Variants in KAZN observed in about 807,000 individuals in gnomAD.
KAZN encodes kazrin.
Under a neutral mutation model 87.4 loss-of-function variants are expected in KAZN, and 40 were observed. That is an observed-to-expected ratio of 0.46 (90% CI 0.36 to 0.60). The LOEUF (loss-of-function observed/expected upper bound fraction) is 0.60. Ranked by LOEUF, KAZN falls within the 20% of genes least tolerant of loss-of-function variation. The probability of loss-of-function intolerance (pLI) is 0.00; values close to 1 mark genes in which losing one functional copy is unlikely to be tolerated. For synonymous variants in KAZN, 466 were observed against 458.3 expected (o/e 1.02, Z -0.22); for missense variants, 898 against 1,073.9 (o/e 0.84, Z 2.29).
In KAZN at chr1:14,777,400, T is replaced by G. The variant is rs1367402188; in HGVS notation, c.226+178177T>G. 2.6e-5 allele frequency among the ~76,000 whole-genome samples: 4 copies of G among 152,308 alleles called. No individual in the cohort carries two copies. The East Asian group carries it at 7.7e-4, about 29-fold the overall frequency. ...TGAGAGTACTAATAAGAGGTCTAGC[T>G]GACCCCAGTGCCCTTGCGTATAAGC... is the stretch of plus-strand genomic sequence containing the variant. On this transcript the variant is annotated intron_variant, in intron 1 of 14. Transcript: ENST00000376030.
chr1:14,241,074 C>T (rs866378942), intron 2 of KAZN, among the ~76,000 whole-genome samples: 6 of 152,256 alleles, frequency 3.9e-5, no homozygotes, highest in East Asian at 1.9e-4. Context: ...CTGAATGCCA[C>T]GTGCTTAGCT....
At chr1:14,423,772 G>A (rs577686672) in intron 2 of KAZN, among the ~76,000 whole-genome samples, 4 of 152,256 alleles carry the variant, frequency 2.6e-5, no homozygotes, top group East Asian at 1.9e-4. Flanking sequence ...CCAGTGACCC[G>A]GGCCTGGACA....
intron 1 of KAZN, among the ~76,000 whole-genome samples, chr1:14,643,927 G>A (rs1457706103): frequency 6.7e-6 from 1 of 149,710 alleles, no homozygotes; most frequent in Non-Finnish European, 1.5e-5. Flanking sequence ...CAGTGATATT[G>A]AGCTTTTTTT....
intron 2 of KAZN, among the ~76,000 whole-genome samples, chr1:14,426,750 C>T (rs1030647415): frequency 6.6e-6 from 1 of 152,132 alleles, no homozygotes; most frequent in Admixed American, 6.5e-5. Context: ...TCCAGTGCCT[C>T]CCAAGCTGAG....
chr1:14,274,390 C>T (rs1407225338), intron 2 of KAZN, among the ~76,000 whole-genome samples: 1 of 152,146 alleles, frequency 6.6e-6, no homozygotes, highest in African/African-American at 2.4e-5. Context: ...CCATGTTTCG[C>T]ATGCAAAGTC....
chr1:14,656,636 T>C (rs1638809945), intron 1 of KAZN, among the ~76,000 whole-genome samples: 2 of 152,184 alleles, frequency 1.3e-5, no homozygotes, highest in Admixed American at 6.5e-5. Context: ...CTTACAGTCA[T>C]GGCAGAAGGC....
chr1:14,255,818 T>C (rs1557597405), intron 2 of KAZN, among the ~76,000 whole-genome samples: 1 of 152,192 alleles, frequency 6.6e-6, no homozygotes, highest in Non-Finnish European at 1.5e-5. Flanking sequence ...TGAGATTAAA[T>C]AATGTGTTTG....
chr1:14,259,704 G>C (rs1224601300), intron 2 of KAZN, among the ~76,000 whole-genome samples: 2 of 152,186 alleles, frequency 1.3e-5, no homozygotes, highest in African/African-American at 2.4e-5. Context: ...TGTCTGGTTA[G>C]GAAATGGCAG....
At chr1:14,985,026 C>T (rs1666636184) in intron 2 of KAZN, among the ~76,000 whole-genome samples, 5 of 151,870 alleles carry the variant, frequency 3.3e-5, no homozygotes, top group Admixed American at 3.3e-4. Flanking sequence ...GTCCCAGCTA[C>T]TCAGGAGGCT....
intron 3 of KAZN, among the ~76,000 whole-genome samples, chr1:15,042,677 CCT>C (rs1225259686): frequency 1.3e-5 from 2 of 152,208 alleles, no homozygotes; most frequent in Admixed American, 1.3e-4. Flanking sequence ...CCAGGTTCTC[CCT>C]CTGTCTCCAG....
intron 1 of KAZN, among the ~76,000 whole-genome samples, chr1:14,632,638 G>A (rs879197983): frequency 6.0e-5 from 9 of 150,836 alleles, no homozygotes; most frequent in Non-Finnish European, 1.2e-4. Context: ...AAGGCTACAG[G>A]TAATCATCTC....
chr1:14,234,391 C>A (rs924550878), intron 2 of KAZN, among the ~76,000 whole-genome samples: 6 of 137,908 alleles, frequency 4.4e-5, no homozygotes, highest in Non-Finnish European at 9.5e-5. Flanking sequence ...ACATCACACA[C>A]CGGGGCCTGT....
chr1:14,426,801 T>C (rs568722063), intron 2 of KAZN, among the ~76,000 whole-genome samples: 11 of 152,228 alleles, frequency 7.2e-5, no homozygotes, highest in Admixed American at 2.0e-4. Context: ...CAGCCCCTTC[T>C]CTTTTAGAAT....
intron 2 of KAZN, among the ~76,000 whole-genome samples, chr1:14,975,219 C>T (rs968528583): frequency 2.0e-5 from 3 of 152,164 alleles, no homozygotes; most frequent in Non-Finnish European, 4.4e-5. Context: ...CTCCTGGGCT[C>T]GCATTCCAGG....
At chr1:14,890,631 T>C (rs1180030414) in intron 1 of KAZN, among the ~76,000 whole-genome samples, 1 of 152,196 alleles carries the variant, frequency 6.6e-6, no homozygotes, top group Non-Finnish European at 1.5e-5. Context: ...GCTTTCTCAG[T>C]ATACAGACTT....
intron 1 of KAZN, among the ~76,000 whole-genome samples, chr1:14,680,787 A>G (rs554623721): frequency 6.6e-6 from 1 of 152,118 alleles, no homozygotes; most frequent in Non-Finnish European, 1.5e-5. Context: ...TTCATTTTGT[A>G]GCTGAGGAGT....
intron 2 of KAZN, among the ~76,000 whole-genome samples, chr1:15,025,067 C>A (rs945472659): frequency 6.6e-6 from 1 of 152,210 alleles, no homozygotes; most frequent in Non-Finnish European, 1.5e-5. Context: ...ATTTGAAAGT[C>A]ACTATTTCCT....
chr1:14,633,332 C>T (rs1679719768), intron 1 of KAZN, among the ~76,000 whole-genome samples: 1 of 152,134 alleles, frequency 6.6e-6, no homozygotes, highest in Admixed American at 6.6e-5. Flanking sequence ...GACCCAATGT[C>T]ATCACAAGAG....
At chr1:14,834,081 G>A (rs770081419) in intron 1 of KAZN, among the ~76,000 whole-genome samples, 1 of 151,850 alleles carries the variant, frequency 6.6e-6, no homozygotes, top group Non-Finnish European at 1.5e-5. Flanking sequence ...TGTCACCCAG[G>A]CTGGAGTGTA....
Sources: gnomAD v4.1 joint callset for allele counts (sites outside exome capture counted in the v4.1 genomes callset) on GRCh38, gnomAD v4.1.1 for gene constraint, MANE v1.5 for transcripts, NCBI Gene and HGNC (gene_info 2026-07-23, HGNC 2026-07-21) for gene names.